EMILIN2: variants seen among roughly 807,000 people sequenced by gnomAD.
EMILIN2 encodes the protein EMILIN-2.
A neutral mutation model predicts 87.1 loss-of-function variants in EMILIN2; 71 were observed. The observed-to-expected ratio is 0.82, with a 90% CI of 0.67 to 0.99. EMILIN2 has a LOEUF of 0.99. Ranked by LOEUF, EMILIN2 falls within the 50% of genes least tolerant of loss-of-function variation. EMILIN2 has a pLI of 0.00. For missense variants in EMILIN2, 1,407 were observed against 1,371.8 expected (o/e 1.03, Z -0.40); for synonymous variants, 581 against 563.4 (o/e 1.03, Z -0.44).
intron 4 of EMILIN2, chr18:2,906,406 CGGTGCGGG>C (rs1458695233): frequency 6.1e-6 from 1 of 164,532 alleles, no homozygotes; most frequent in Admixed American, 6.4e-5. Context: ...GGTTCAGAGA[CGGTGCGGG>C]GGTCGGTGGC....
intron 4 of EMILIN2, among the ~76,000 whole-genome samples, chr18:2,898,514 T>C (rs2076873831): frequency 6.6e-6 from 1 of 152,198 alleles, no homozygotes; most frequent in Non-Finnish European, 1.5e-5. Context: ...AGGGGACTTC[T>C]CTTTCCAGAT....
chr18:2,889,286 A>C (rs534598331), intron 3 of EMILIN2, among the ~76,000 whole-genome samples: 19 of 150,946 alleles, frequency 1.3e-4, no homozygotes, highest in South Asian at 4.2e-4. Flanking sequence ...TACAGGCACC[A>C]GCCACCACAC....
Position 2,848,580 on chromosome 18 carries a change from G to T in EMILIN2, c.257+649G>T, listed in dbSNP as rs644369. Among the ~76,000 whole-genome samples the T allele has an allele frequency of 0.89, 131,651 of 147,808 alleles. 60,330 individuals carry two copies. Among genetic ancestry groups the T allele is most frequent in the East Asian group, 1 (5,154 of 5,154 alleles). On this transcript the variant is annotated intron_variant, in intron 2 of 7. Transcript: ENST00000254528. This position sits in a 1 kb window ranked among gnomAD's most constrained non-coding sequence, Gnocchi z 4.1. ...AATTAATCATCTTTTTGCTTATAAA[G>T]ATTTCCCCATCTTAAAAAAAAAAAA...
chr18:2,904,719 C>T (rs1211192447), intron 4 of EMILIN2, among the ~76,000 whole-genome samples: 1 of 152,142 alleles, frequency 6.6e-6, no homozygotes, highest in Non-Finnish European at 1.5e-5. Flanking sequence ...AGTTCCTTTT[C>T]TTTAGTTGGT....
At position 2,848,413 on chromosome 18, in the gene EMILIN2, T is replaced by C. The variant is rs1034697921; in HGVS notation, c.257+482T>C. 6.6e-6 allele frequency among the ~76,000 whole-genome samples: 1 copy of C among 152,162 alleles called. No homozygotes were observed. The highest frequency in any genetic ancestry group is 2.4e-5 in the African/African-American group (1 of 41,424). ...CCGTATGTCCCCATAAAACGGAATC[T>C]TCCAGTTTTGTAGATGTCTAAGCTA... is the stretch of plus-strand genomic sequence containing the variant. On this transcript the variant is annotated intron_variant, in intron 2 of 7. Transcript: ENST00000254528. The surrounding 1 kb of genome is among the most constrained non-coding windows in gnomAD (Gnocchi z 4.1).
intron 2 of EMILIN2, among the ~76,000 whole-genome samples, chr18:2,853,380 C>A (rs1320794489): frequency 1.3e-5 from 2 of 152,078 alleles, no homozygotes; most frequent in East Asian, 3.9e-4. Flanking sequence ...TCTGGACTCT[C>A]CGGAGCTGCT....
At position 2,891,749 on chromosome 18, in the gene EMILIN2, A is replaced by T. The variant is rs2076838237; in HGVS notation, c.1622A>T (p.His541Leu). 3 of 1,614,164 alleles carry T rather than the reference A, an allele frequency of 1.9e-6. No individual in the cohort carries two copies. The East Asian group carries it at 6.7e-5, about 36-fold the overall frequency. The change falls in exon 4 of 8, where the codon CAC becomes CTC. Residue 541 changes from histidine to leucine, a missense_variant. Coordinates refer to ENST00000254528, the MANE Select transcript of EMILIN2 (RefSeq NM_032048.3). The surrounding 1 kb of genome is among the most constrained non-coding windows in gnomAD (Gnocchi z 4.6). ...GAACGGGTCATGATGGAATTAAACCACCTGAAGGACAAAGTTCAAGTTGTT... is the reference window on the plus strand; with the variant it reads ...GAACGGGTCATGATGGAATTAAACCTCCTGAAGGACAAAGTTCAAGTTGTT... Reference protein sequence around the residue: ...GDERVMMELNHLKDKVQVVED... With the variant: ...GDERVMMELNLLKDKVQVVED...
chr18:2,888,456 C>T (rs1265994807), intron 3 of EMILIN2, among the ~76,000 whole-genome samples: 4 of 152,044 alleles, frequency 2.6e-5, no homozygotes, highest in African/African-American at 9.7e-5. Context: ...TGGCTCACGT[C>T]TGTAATCCCA....
At chr18:2,883,703 A>G (rs1318101141) in intron 2 of EMILIN2, among the ~76,000 whole-genome samples, 1 of 152,190 alleles carries the variant, frequency 6.6e-6, no homozygotes, top group Non-Finnish European at 1.5e-5. Flanking sequence ...CTCACTGCAA[A>G]GCTCTCTGTG....
intron 2 of EMILIN2, among the ~76,000 whole-genome samples, chr18:2,852,681 G>A (rs1317504930): frequency 1.3e-5 from 2 of 152,120 alleles, no homozygotes; most frequent in Non-Finnish European, 2.9e-5. Flanking sequence ...ACCACGCCCA[G>A]CTAATTTTTG....
At chr18:2,870,405 A>G (rs906118031) in intron 2 of EMILIN2, among the ~76,000 whole-genome samples, 4 of 152,226 alleles carry the variant, frequency 2.6e-5, no homozygotes, top group African/African-American at 9.6e-5. Context: ...TATTTGTTTC[A>G]TTAAACAAAT....
chr18:2,862,976 C>T (rs1333412204), intron 2 of EMILIN2, among the ~76,000 whole-genome samples: 1 of 152,146 alleles, frequency 6.6e-6, no homozygotes, highest in Non-Finnish European at 1.5e-5. Flanking sequence ...AGGAATTTAT[C>T]CATTTCTTCT....
At chr18:2,899,795 C>T (rs767813489) in intron 4 of EMILIN2, among the ~76,000 whole-genome samples, 17 of 152,148 alleles carry the variant, frequency 1.1e-4, no homozygotes, top group East Asian at 3.8e-4. Context: ...TGAGCCACCG[C>T]GCGCGGCCCA....
intron 3 of EMILIN2, among the ~76,000 whole-genome samples, chr18:2,887,527 C>A (rs748755946): frequency 6.6e-6 from 1 of 152,022 alleles, no homozygotes; most frequent in Non-Finnish European, 1.5e-5. Flanking sequence ...GTTGGAAGAG[C>A]CTGGCACCTT....
intron 2 of EMILIN2, among the ~76,000 whole-genome samples, chr18:2,876,477 G>A (rs552659643): frequency 8.6e-5 from 13 of 151,736 alleles, no homozygotes; most frequent in South Asian, 2.1e-4. Context: ...TTAAAAATAC[G>A]TACAAAGCAC....
At position 2,890,890 on chromosome 18, in the gene EMILIN2, A is replaced by G; in HGVS notation, c.763A>G (p.Lys255Glu). Residue 255 changes from lysine (K) to glutamate (E), a missense_variant, in exon 4 of 8, where the codon AAG becomes GAG. Transcript: ENST00000254528. This position sits in a 1 kb window ranked among gnomAD's most constrained non-coding sequence, Gnocchi z 4.7. ...CCAGAGTCCTGGTGTCTTCAACACT[A>G]AGGAATCTGGCATGAAGGACATCAA... is the stretch of plus-strand genomic sequence containing the variant. ...TGQSPGVFNT[K>E]ESGMKDIKSE... The G allele has an allele frequency of 6.2e-7, 1 of 1,613,910 alleles. No homozygotes were observed. The highest frequency in any genetic ancestry group is 8.5e-7 in the Non-Finnish European group (1 of 1,180,012).
intron 2 of EMILIN2, among the ~76,000 whole-genome samples, chr18:2,865,803 C>G (rs1040881116): frequency 6.6e-6 from 1 of 152,232 alleles, no homozygotes; most frequent in Non-Finnish European, 1.5e-5. Flanking sequence ...GCCCTGCCCC[C>G]AGAGGTGCAG....
upstream of EMILIN2, chr18:2,846,915 C>T: frequency 1.0e-6 from 1 of 989,898 alleles, no homozygotes; most frequent in Non-Finnish European, 1.2e-6. This position sits in a 1 kb window ranked among gnomAD's most constrained non-coding sequence, Gnocchi z 5.3. Context: ...AGTCACGTTT[C>T]GGAGAGGGAA....
chr18:2,874,964 C>T (rs932691208), intron 2 of EMILIN2, among the ~76,000 whole-genome samples: 5 of 152,172 alleles, frequency 3.3e-5, no homozygotes, highest in East Asian at 1.9e-4. Flanking sequence ...TGGGATGTCA[C>T]GGCCACTTCT....
Sources: gnomAD v4.1 joint callset for allele counts (sites outside exome capture counted in the v4.1 genomes callset) on GRCh38, gnomAD v4.1.1 for gene constraint, Gnocchi (gnomAD v3.1) non-coding constraint, MANE v1.5 for transcripts, NCBI Gene and HGNC (gene_info 2026-07-23, HGNC 2026-07-21) for gene names.